RPS6KA5: variants seen among roughly 807,000 people sequenced by gnomAD.
RPS6KA5 encodes ribosomal protein S6 kinase A5.
Under a neutral mutation model 85.5 loss-of-function variants are expected in RPS6KA5, and 27 were observed. That is an observed-to-expected ratio of 0.32 (90% CI 0.23 to 0.44). RPS6KA5 has a LOEUF of 0.44. RPS6KA5 is among the 20% of genes least tolerant of loss of function. The probability of loss-of-function intolerance (pLI) is 1.00; values close to 1 mark genes in which losing one functional copy is unlikely to be tolerated. For missense variants in RPS6KA5, 811 were observed against 980.9 expected, an observed-to-expected ratio of 0.83 and a Z score of 2.31; for synonymous variants, 334 against 348.2, an observed-to-expected ratio of 0.96 and a Z score of 0.46.
intron 1 of RPS6KA5, among the ~76,000 whole-genome samples, chr14:91,037,621 T>A (rs758094312): frequency 6.6e-5 from 10 of 152,124 alleles, no homozygotes; most frequent in Non-Finnish European, 1.3e-4. Context: ...TAAAACTCTC[T>A]CTTCTCTGTG....
chr14:90,983,813 C>CTCTCTG (rs1364111103), intron 2 of RPS6KA5, among the ~76,000 whole-genome samples: 1 of 85,316 alleles, frequency 1.2e-5, no homozygotes, highest in East Asian at 5.1e-4. Context: ...CTCTCTCTCT[C>CTCTCTG]TCTGTCTCTC....
Position 90,900,173 on chromosome 14 carries a change from T to C in RPS6KA5, c.1314A>G (p.Ser438=). 1.2e-6 allele frequency: 2 copies of C among 1,606,526 alleles called. No individual in the cohort carries two copies. Among genetic ancestry groups the C allele is most frequent in the Non-Finnish European group, 1.7e-6 (2 of 1,175,796 alleles). The change falls in exon 11 of 17, where the codon TCA becomes TCG. Residue 438 remains serine (S), a synonymous_variant. Coordinates refer to ENST00000614987, the MANE Select transcript of RPS6KA5 (RefSeq NM_004755.4). ...KDKPLGEGSF[S]ICRKCVHKKS... ...TTTTATGCACACACTTTCGACAAATTGAAAAACTACCTTCTCCCAGGGGTT... is the reference window on the plus strand; with the variant it reads ...TTTTATGCACACACTTTCGACAAATCGAAAAACTACCTTCTCCCAGGGGTT...
At chr14:91,021,919 A>G (rs983668094) in intron 1 of RPS6KA5, among the ~76,000 whole-genome samples, 1 of 152,122 alleles carries the variant, frequency 6.6e-6, no homozygotes, top group African/African-American at 2.4e-5. Context: ...CTTAATAGAA[A>G]CCAAGATCTG....
chr14:90,952,459 C>T (rs888678101), intron 3 of RPS6KA5, among the ~76,000 whole-genome samples: 1 of 152,246 alleles, frequency 6.6e-6, no homozygotes, highest in Non-Finnish European at 1.5e-5. Context: ...TCACTTTAAT[C>T]ACTGTGATCA....
intron 5 of RPS6KA5, among the ~76,000 whole-genome samples, chr14:90,926,546 C>A (rs1364405805): frequency 1.1e-4 from 16 of 151,836 alleles, no homozygotes. Flanking sequence ...GTGGTGGTTA[C>A]AAGGGTGCTG....
intron 12 of RPS6KA5, 109 bp downstream of exon 12, chr14:90,899,220 G>A (rs2035013588): frequency 1.4e-6 from 1 of 713,076 alleles, no homozygotes. Flanking sequence ...GCTGGGTGAT[G>A]TTCTATATCC....
chr14:90,909,752 C>T (rs1225744867), intron 7 of RPS6KA5, among the ~76,000 whole-genome samples: 1 of 152,024 alleles, frequency 6.6e-6, no homozygotes, highest in Non-Finnish European at 1.5e-5. Context: ...ATAGATGACA[C>T]ATTGTGAAAA....
At chr14:90,895,838 C>T (rs966496875) in intron 12 of RPS6KA5, among the ~76,000 whole-genome samples, 9 of 152,238 alleles carry the variant, frequency 5.9e-5, no homozygotes, top group Middle Eastern at 6.8e-3. Flanking sequence ...TGCAGGGAGC[C>T]GTCACTGTGC....
intron 5 of RPS6KA5, among the ~76,000 whole-genome samples, chr14:90,939,882 CA>C (rs2037478990): frequency 6.6e-6 from 1 of 151,968 alleles, no homozygotes; most frequent in Non-Finnish European, 1.5e-5. Flanking sequence ...AAACTTGTTC[CA>C]AAAAATATGG....
chr14:91,059,942 A>G, intron 1 of RPS6KA5: 1 of 810,026 alleles, frequency 1.2e-6, no homozygotes, highest in Non-Finnish European at 1.5e-6. Flanking sequence ...ACACTCTCCA[A>G]AACAAAGCGC....
At chr14:90,885,610 C>T (rs1421145540) in intron 14 of RPS6KA5, among the ~76,000 whole-genome samples, 1 of 119,084 alleles carries the variant, frequency 8.4e-6, no homozygotes, top group African/African-American at 3.3e-5. Context: ...GGCGAGGTGG[C>T]GGGCGCCTGT....
At chr14:90,894,628 G>T (rs1024429128) in intron 12 of RPS6KA5, 45 bp from the exon 13 acceptor site, 1 of 1,596,932 alleles carries the variant, frequency 6.3e-7, no homozygotes, top group Non-Finnish European at 8.5e-7. Flanking sequence ...CTGAAGCACA[G>T]AAGTCTATTA....
Position 90,959,568 on chromosome 14 carries a change from G to A in RPS6KA5, c.395-12018C>T, listed in dbSNP as rs111921081. On this transcript the variant is annotated intron_variant, in intron 3 of 16. Transcript: ENST00000614987. ...GATGAGTAAGGATGGGGGAAGAACA[G>A]GTTTGGAAGGGGCTATCCAGAGTTC... Among the ~76,000 whole-genome samples, 716 of 152,254 alleles carry A rather than the reference G, an allele frequency of 4.7e-3. 6 individuals are homozygous for A. The highest frequency in any genetic ancestry group is 0.016 in the African/African-American group (677 of 41,536).
At chr14:91,047,344 T>G (rs562582130) in intron 1 of RPS6KA5, among the ~76,000 whole-genome samples, 10 of 152,184 alleles carry the variant, frequency 6.6e-5, no homozygotes, top group African/African-American at 2.4e-4. Flanking sequence ...AACCACCAAC[T>G]TGGTAAGAGG....
intron 3 of RPS6KA5, among the ~76,000 whole-genome samples, chr14:90,974,167 T>C (rs1465417834): frequency 6.6e-6 from 1 of 152,092 alleles, no homozygotes; most frequent in Admixed American, 6.6e-5. Flanking sequence ...GAATCACTAA[T>C]TGGGAAAAAT....
rs2032567543 is a variant in RPS6KA5 at position 90,861,801 on chromosome 14, G to C, written c.*10273C>G. The stretch of plus-strand genomic sequence containing the variant: ...TAATCCCAGCTACTCGGGAGGCTGA[G>C]GCAGGAGAATCGCTTGAACCAGGGA... On this transcript the variant is annotated 3_prime_UTR_variant, in exon 17 of 17. Coordinates refer to ENST00000614987, the MANE Select transcript of RPS6KA5 (RefSeq NM_004755.4). The C allele has an allele frequency of 6.6e-6, 1 of 151,506 alleles. No individual in the cohort carries two copies. The highest frequency in any genetic ancestry group is 2.4e-5 in the African/African-American group (1 of 41,030). The allele number at this position is 151,506 out of a possible 1,614,324, so 9.4% of individuals were successfully genotyped here.
At chr14:90,893,831 T>C (rs992478369) in intron 13 of RPS6KA5, 1 of 203,238 alleles carries the variant, frequency 4.9e-6, no homozygotes, top group Non-Finnish European at 8.7e-6. Context: ...GAACATTCTT[T>C]ATTAGCCTTT....
intron 2 of RPS6KA5, among the ~76,000 whole-genome samples, chr14:90,989,299 C>T (rs1447761284): frequency 1.3e-5 from 2 of 152,196 alleles, no homozygotes. Context: ...ACAAGAGTGT[C>T]AAGATGCAAA....
At chr14:90,999,754 A>G (rs1368907847) in intron 2 of RPS6KA5, among the ~76,000 whole-genome samples, 1 of 152,250 alleles carries the variant, frequency 6.6e-6, no homozygotes, top group East Asian at 1.9e-4. Flanking sequence ...GCAGAGCATT[A>G]CACCAAACAT....
Sources: allele counts gnomAD v4.1 joint callset (sites outside exome capture counted in the v4.1 genomes callset), GRCh38; gene constraint gnomAD v4.1.1; transcripts MANE v1.5; gene names NCBI Gene and HGNC (gene_info 2026-07-23, HGNC 2026-07-21).